Variants in CACNA1F observed in about 807,000 individuals in gnomAD.
The protein encoded by CACNA1F is voltage-dependent L-type calcium channel subunit alpha-1F.
A neutral mutation model predicts 143.8 loss-of-function variants in CACNA1F; 59 were observed. That is an observed-to-expected ratio of 0.41 (90% CI 0.33 to 0.51). CACNA1F has a LOEUF of 0.51. Among genes scored for constraint, CACNA1F ranks in the 20% least tolerant of loss-of-function variants. The pLI is 0.22. For synonymous variants in CACNA1F, 643 were observed against 649.1 expected, an observed-to-expected ratio of 0.99 and a Z score of 0.14; for missense variants, 1,411 against 1,647.5, an observed-to-expected ratio of 0.86 and a Z score of 2.48.
chrX:49,226,560 G>A, intron 10 of CACNA1F, 50 bp downstream of exon 10: 1 of 1,159,860 alleles, frequency 8.6e-7, no homozygotes, highest in East Asian at 3.2e-5. Flanking sequence ...CCAATCTTTG[G>A]CTTTCACCTC....
chrX:49,224,801 G>T lies in CACNA1F; in HGVS notation c.1837C>A (p.Leu613Ile). ...GAMQPLGISVLRCVRLLRIFK... is the reference protein window; with the variant it reads ...GAMQPLGISVIRCVRLLRIFK... Reference sequence around the variant, plus strand: ...ATCCTGAGGAGGCGCACACATCGGAGCACTGAGATGCCCAAGGGCTGCATG... The same window carrying T: ...ATCCTGAGGAGGCGCACACATCGGATCACTGAGATGCCCAAGGGCTGCATG... Residue 613 changes from leucine to isoleucine, a missense_variant, in exon 14 of 48, where the codon CTC (leucine) becomes ATC (isoleucine). Leu to Ile is a conservative substitution (Grantham distance 5, BLOSUM62 2). Coordinates refer to ENST00000323022, the MANE Select transcript of CACNA1F (RefSeq NM_001256789.3). 8.4e-7 allele frequency: 1 copy of T among 1,191,534 alleles called. No homozygotes were observed. The highest frequency in any genetic ancestry group is 1.1e-6 in the Non-Finnish European group (1 of 883,888).
chrX:49,230,302 G>C lies in CACNA1F; in HGVS notation c.735C>G (p.Leu245=). ...VPLLHIALLV[L]FVIIIYAIIG... ...TGATGGCATAAATGATGATGACGAA[G>C]AGCACGAGCAGTGCAATGTGCAGCA... The change falls in exon 6 of 48, where the codon CTC becomes CTG. Residue 245 remains leucine (L), a synonymous_variant. Coordinates refer to ENST00000323022, the MANE Select transcript of CACNA1F (RefSeq NM_001256789.3). 1 of 1,207,132 alleles carries C rather than the reference G, an allele frequency of 8.3e-7. No homozygotes were observed.
At chrX:49,210,143 A>T in intron 39 of CACNA1F, 101 bp from the exon 40 acceptor site, 2 of 689,937 alleles carry the variant, frequency 2.9e-6, no homozygotes, top group Non-Finnish European at 4.8e-6. Flanking sequence ...GCTACCGCAG[A>T]TGCACACCGC....
chrX:49,231,110 G>T, intron 3 of CACNA1F, 92 bp downstream of exon 3: 2 of 790,648 alleles, frequency 2.5e-6, no homozygotes, highest in African/African-American at 2.1e-5. Context: ...AGGGCCATCC[G>T]GGTCAGAGAG....
At chrX:49,210,075 A>G (rs2065641044) in intron 39 of CACNA1F, 33 bp from the exon 40 acceptor site, 1 of 1,041,801 alleles carries the variant, frequency 9.6e-7, no homozygotes. Flanking sequence ...GCATGAGCCA[A>G]TAGGAAGAAC....
Position 49,219,328 on chromosome X carries a change from C to A in CACNA1F, c.2666G>T (p.Arg889Leu). 8.3e-7 allele frequency: 1 copy of A among 1,208,374 alleles called. No individual in the cohort carries two copies. The highest frequency in any genetic ancestry group is 1.7e-5 in the African/African-American group (1 of 57,612). The change falls in exon 21 of 48, where the codon CGC becomes CTC. Residue 889 changes from arginine to leucine, a missense_variant. By Grantham distance (102) the Arg-to-Leu change is moderately radical. Around this residue, in one of 3 missense-constraint regions of CACNA1F, gnomAD observed 950 missense variants for 1,128.1 expected, o/e 0.84. Transcript: ENST00000323022. Reference protein sequence around the residue: ...AEDPIRAHSFRNHILGYFDYA... With the variant: ...AEDPIRAHSFLNHILGYFDYA... Reference sequence around the variant, plus strand: ...TCCCAGCCAAAGGCTCACATGGTTGCGGAAGGAGTGGGCTCGGATGGGGTC... The same window carrying A: ...TCCCAGCCAAAGGCTCACATGGTTGAGGAAGGAGTGGGCTCGGATGGGGTC...
chrX:49,206,826 G>A lies in CACNA1F; in HGVS notation c.5261C>T (p.Thr1754Ile). 1 of 1,204,793 alleles carries A rather than the reference G, an allele frequency of 8.3e-7. No homozygotes were observed. Among genetic ancestry groups the A allele is most frequent in the Non-Finnish European group, 1.1e-6 (1 of 891,249 alleles). ...TGGCAAAAGGACTGAGCACGGGGGA[G>A]TCCCTGCCTGCTCATCTAGGTAGGA... ...RLSYLDEQAG[T>I]PPCSVLLPPH... is the part of the protein sequence containing the mutation. Residue 1754 changes from threonine to isoleucine, a missense_variant, in exon 45 of 48, where the codon ACT (threonine) becomes ATT (isoleucine). Coordinates refer to ENST00000323022, the MANE Select transcript of CACNA1F (RefSeq NM_001256789.3).
Position 49,205,726 on chromosome X carries a change from G to A in CACNA1F, c.5560C>T (p.Leu1854Phe). ...VEEGAAGEGYLGRSSGPLRTF... is the reference protein window; with the variant it reads ...VEEGAAGEGYFGRSSGPLRTF... ...CGCAGTGGGCCACTGGATCTGCCGA[G>A]GTACCCCTCCCCCGCTGCGCCCTCT... The change falls in exon 47 of 48, where the codon CTC becomes TTC. Residue 1854 changes from leucine (L) to phenylalanine (F), a missense_variant. Around this residue, in one of 3 missense-constraint regions of CACNA1F, gnomAD observed 349 missense variants for 350.2 expected, o/e 1.00. Coordinates refer to ENST00000323022, the MANE Select transcript of CACNA1F (RefSeq NM_001256789.3). 8.3e-7 allele frequency: 1 copy of A among 1,205,207 alleles called. No individual in the cohort carries two copies. Among genetic ancestry groups the A allele is most frequent in the Non-Finnish European group, 1.1e-6 (1 of 892,122 alleles).
At chrX:49,227,321 C>T (rs2065836318) in intron 8 of CACNA1F, among the ~76,000 whole-genome samples, 194 bp from the exon 9 acceptor site, 1 of 111,477 alleles carries the variant, frequency 9.0e-6, no homozygotes, top group Admixed American at 9.6e-5. Flanking sequence ...CCCACCTCAT[C>T]TCTTTTTTTT....
At chrX:49,223,278 T>C in intron 14 of CACNA1F, 142 bp from the exon 15 acceptor site, 1 of 470,305 alleles carries the variant, frequency 2.1e-6, no homozygotes, top group African/African-American at 2.4e-5. Flanking sequence ...GGGTTAGAAA[T>C]GATTTTGGAG....
intron 11 of CACNA1F, 60 bp from the exon 12 acceptor site, chrX:49,226,303 T>G (rs2065823224): frequency 8.9e-7 from 1 of 1,128,407 alleles, no homozygotes; most frequent in Non-Finnish European, 1.2e-6. Flanking sequence ...TGTCAGTGAC[T>G]GGGGCCAGAG....
rs781814736 is a variant in CACNA1F, at chrX:49,212,317, A to T, written c.3943-9T>A. On this transcript the variant is annotated splice_polypyrimidine_tract_variant and intron_variant, in intron 33 of 47. Transcript: ENST00000323022. ...GCCACATAGGGCAAGGCCTATAGGG[A>T]TGGGGGAGGGGGGCAGAGAATAGAT... 1 of 1,173,950 alleles carries T rather than the reference A, an allele frequency of 8.5e-7. No individual in the cohort carries two copies. Among genetic ancestry groups the T allele is most frequent in the East Asian group, 3.0e-5 (1 of 33,708 alleles).
At position 49,217,997 on chromosome X, in the gene CACNA1F, C is replaced by T. The variant is rs1298560573; in HGVS notation, c.2937G>A (p.Val979=). The part of the protein sequence containing the change: ...INRAKGLKHV[V]QCVFVAIRTI... ...TCCGGATGGCCACAAATACACACTG[C>T]ACCACATGCTGCGGGCACCCAAGCA... The change falls in exon 25 of 48, where the codon GTG becomes GTA. Residue 979 remains valine, a synonymous_variant. Coordinates refer to ENST00000323022, the MANE Select transcript of CACNA1F (RefSeq NM_001256789.3). 3.3e-6 allele frequency: 4 copies of T among 1,201,643 alleles called. No individual in the cohort carries two copies. Among genetic ancestry groups the T allele is most frequent in the Non-Finnish European group, 4.5e-6 (4 of 888,193 alleles).
intron 44 of CACNA1F, 37 bp downstream of exon 44, chrX:49,206,968 G>A: frequency 1.2e-6 from 1 of 865,878 alleles, no homozygotes; most frequent in Admixed American, 2.4e-5. Context: ...CTCCACCCCA[G>A]CTCATGGGTT....
intron 13 of CACNA1F, among the ~76,000 whole-genome samples, chrX:49,225,249 G>A (rs1236969541): frequency 4.5e-5 from 5 of 110,670 alleles, no homozygotes; most frequent in African/African-American, 1.6e-4. Context: ...AAATTCACAA[G>A]TAGAGTTAGA....
At chrX:49,221,196 C>T in intron 17 of CACNA1F, 116 bp from the exon 18 acceptor site, 2 of 601,834 alleles carry the variant, frequency 3.3e-6, no homozygotes, top group South Asian at 2.4e-5. Flanking sequence ...CCCCACTGCC[C>T]CTCCCAACAG....
Position 49,227,146 on chromosome X carries a change from G to C in CACNA1F, c.1119-19C>G. The C allele has an allele frequency of 8.7e-7, 1 of 1,145,929 alleles. No individual in the cohort carries two copies. The highest frequency in any genetic ancestry group is 1.2e-6 in the Non-Finnish European group (1 of 853,807). 94.4% of individuals were successfully genotyped at this position (1,145,929 alleles called of 1,213,427 possible). A position where few individuals can be genotyped will look rare whatever the true frequency, so the allele number is the denominator to read the frequency against. On this transcript the variant is annotated intron_variant, in intron 8 of 47. Transcript: ENST00000323022. ...GAACTCCCTGAGGGAGGAGGATAGA[G>C]GGCTAGGGGGAGGAGCCAATCTGAA...
intron 39 of CACNA1F, 126 bp from the exon 40 acceptor site, chrX:49,210,168 G>T: frequency 1.5e-6 from 1 of 677,682 alleles, no homozygotes; most frequent in African/African-American, 2.1e-5. Flanking sequence ...ATTGGACGGG[G>T]TGGGGGGAAA....
chrX:49,230,422 C>T, intron 5 of CACNA1F, 45 bp downstream of exon 5: 1 of 1,206,475 alleles, frequency 8.3e-7, no homozygotes, highest in Non-Finnish European at 1.1e-6. Flanking sequence ...CAGCTCAGCC[C>T]CACCCCCACC....
Sources: gnomAD v4.1 joint callset for allele counts (sites outside exome capture counted in the v4.1 genomes callset) on GRCh38, gnomAD v4.1.1 for gene constraint, gnomAD v4.1.1 regional missense constraint, MANE v1.5 for transcripts, NCBI Gene and HGNC (gene_info 2026-07-23, HGNC 2026-07-21) for gene names.